Variants in KRTAP1-5 observed in about 807,000 individuals in gnomAD.
The protein encoded by KRTAP1-5 is keratin-associated protein 1-5.
Under a neutral mutation model 14.2 loss-of-function variants are expected in KRTAP1-5, and 10 were observed. That is an observed-to-expected ratio of 0.70 (90% CI 0.43 to 1.19). The LOEUF (loss-of-function observed/expected upper bound fraction) is 1.19. KRTAP1-5 is among the 50% of genes most tolerant of loss of function. KRTAP1-5 has a pLI of 0.00. For missense variants in KRTAP1-5, 234 were observed against 223.5 expected (o/e 1.05, Z -0.30); for synonymous variants, 107 against 80.2 (o/e 1.33, Z -1.79).
Position 41,026,929 on chromosome 17 carries a change from C to T in KRTAP1-5, c.227G>A (p.Cys76Tyr). 6.2e-7 allele frequency: 1 copy of T among 1,613,186 alleles called. No homozygotes were observed. Among genetic ancestry groups the T allele is most frequent in the Non-Finnish European group, 8.5e-7 (1 of 1,179,886 alleles). Reference sequence around the variant, plus strand: ...GCTTGGCTGGCAGCAGCTGGTCTCACAGCAGCTTGGCTGGCAGCAGCTGGT... The same window carrying T: ...GCTTGGCTGGCAGCAGCTGGTCTCATAGCAGCTTGGCTGGCAGCAGCTGGT... ...CETSCCQPSC[C>Y]ETSCCQPSCC... Residue 76 changes from cysteine (C) to tyrosine (Y), a missense_variant, in exon 1 of 1, where the codon TGT (cysteine) becomes TAT (tyrosine). Coordinates refer to ENST00000361883, the MANE Select transcript of KRTAP1-5 (RefSeq NM_031957.2).
rs781029660 is a variant in KRTAP1-5 at position 41,026,903 on chromosome 17, A to G, written c.253T>C (p.Cys85Arg). Reference sequence around the variant, plus strand: ...GTTCCGCAGGAGCTGATCTGGCAGCAGCTTGGCTGGCAGCAGCTGGTCTCA... The same window carrying G: ...GTTCCGCAGGAGCTGATCTGGCAGCGGCTTGGCTGGCAGCAGCTGGTCTCA... ...CCETSCCQPSCCQISSCGTGC... is the reference protein window; with the variant it reads ...CCETSCCQPSRCQISSCGTGC... The change falls in exon 1 of 1, where the codon TGC (cysteine) becomes CGC (arginine). Residue 85 changes from cysteine to arginine, a missense_variant. Coordinates refer to ENST00000361883, the MANE Select transcript of KRTAP1-5 (RefSeq NM_031957.2). 1.9e-6 allele frequency: 3 copies of G among 1,612,050 alleles called. No individual in the cohort carries two copies. The South Asian group carries it at 3.3e-5, about 18-fold the overall frequency.
Position 41,027,012 on chromosome 17 carries a change from G to T in KRTAP1-5, c.144C>A (p.Pro48=). ...TGCAGGTCCCACTGGTTGAGAAGCT[G>T]GGAAATCCGCAGAAGCTAGTCTGGC... ...RSCQTSFCGF[P]SFSTSGTCSS... Residue 48 remains proline, a synonymous_variant, in exon 1 of 1, where the codon CCC becomes CCA. Coordinates refer to ENST00000361883, the MANE Select transcript of KRTAP1-5 (RefSeq NM_031957.2). 6.2e-7 allele frequency: 1 copy of T among 1,609,010 alleles called. No individual in the cohort carries two copies. The highest frequency in any genetic ancestry group is 1.3e-5 in the African/African-American group (1 of 74,356).
In KRTAP1-5 at chr17:41,027,082, C is replaced by A; in HGVS notation, c.74G>T (p.Cys25Phe). 2.5e-6 allele frequency: 4 copies of A among 1,613,764 alleles called. No homozygotes were observed. Among genetic ancestry groups the A allele is most frequent in the Non-Finnish European group, 3.4e-6 (4 of 1,179,978 alleles). Residue 25 changes from cysteine to phenylalanine, a missense_variant, in exon 1 of 1, where the codon TGC becomes TTC. By Grantham distance (205) the Cys-to-Phe change is radical. Coordinates refer to ENST00000361883, the MANE Select transcript of KRTAP1-5 (RefSeq NM_031957.2). ...GCTGGTCTCACAGCAGCTTGGCTGG[C>A]AGCAGCTGGAGCCACAGGTCCCACT... ...SISGTCGSSC[C>F]QPSCCETSCC...
Position 41,026,352 on chromosome 17 carries a change from CAT to C in KRTAP1-5, c.*277_*278del. ...TAGTTCTCATGGATAAATTCCACAACATGTCAGTAATTTTTAATCCTGCAGAA... is the reference window on the plus strand; with the variant it reads ...TAGTTCTCATGGATAAATTCCACAACGTCAGTAATTTTTAATCCTGCAGAA... On this transcript the variant is annotated 3_prime_UTR_variant, in exon 1 of 1. Coordinates refer to ENST00000361883, the MANE Select transcript of KRTAP1-5 (RefSeq NM_031957.2). 3 of 428,330 alleles carry C rather than the reference CAT, an allele frequency of 7.0e-6. No individual in the cohort carries two copies. The highest frequency in any genetic ancestry group is 1.2e-5 in the Non-Finnish European group (3 of 241,762). 26.5% of individuals were successfully genotyped at this position (428,330 alleles called of 1,614,324 possible).
Position 41,026,623 on chromosome 17 carries a change from A to G in KRTAP1-5, c.*8T>C. On this transcript the variant is annotated 3_prime_UTR_variant, in exon 1 of 1. Coordinates refer to ENST00000361883, the MANE Select transcript of KRTAP1-5 (RefSeq NM_031957.2). ...GACCTAGGCAATTGAAAATAAGCAA[A>G]CTGGCTTTCAGCAAGTGGGCTCACA... The G allele has an allele frequency of 6.3e-7, 1 of 1,586,628 alleles. No homozygotes were observed. The highest frequency in any genetic ancestry group is 1.2e-5 in the South Asian group (1 of 86,606).
Position 41,026,036 on chromosome 17 carries a change from T to G in KRTAP1-5, c.*595A>C, listed in dbSNP as rs1233237244. On this transcript the variant is annotated 3_prime_UTR_variant, in exon 1 of 1. Coordinates refer to ENST00000361883, the MANE Select transcript of KRTAP1-5 (RefSeq NM_031957.2). ...AAACAAAGACAATGGTTTCTTTGCC[T>G]AGTATATAATATTTATTAAGAAATG... 1 of 152,292 alleles carries G rather than the reference T, an allele frequency of 6.6e-6. No homozygotes were observed. Among genetic ancestry groups the G allele is most frequent in the African/African-American group, 2.4e-5 (1 of 41,448 alleles). 9.4% of individuals were successfully genotyped at this position (152,292 alleles called of 1,614,324 possible).
At position 41,026,763 on chromosome 17, in the gene KRTAP1-5, G is replaced by C. The variant is rs751912500; in HGVS notation, c.393C>G (p.Pro131=). The change falls in exon 1 of 1, where the codon CCC becomes CCG. Residue 131 remains proline (P), a synonymous_variant. Coordinates refer to ENST00000361883, the MANE Select transcript of KRTAP1-5 (RefSeq NM_031957.2). ...PDSRVEGTYL[P]PCCVVSCTPP... The stretch of plus-strand genomic sequence containing the variant: ...GCGTGCAGCTCACCACACAGCAGGG[G>C]GGTAGGTAGGTGCCCTCCACACGAC... The C allele has an allele frequency of 1.2e-6, 2 of 1,613,544 alleles. No homozygotes were observed. The highest frequency in any genetic ancestry group is 2.2e-5 in the South Asian group (2 of 91,030).
chr17:41,026,899 C>A lies in KRTAP1-5; in HGVS notation c.257G>T (p.Cys86Phe). 6.2e-7 allele frequency: 1 copy of A among 1,611,976 alleles called. No homozygotes were observed. The highest frequency in any genetic ancestry group is 8.5e-7 in the Non-Finnish European group (1 of 1,179,680). ...CETSCCQPSCCQISSCGTGCG... is the reference protein window; with the variant it reads ...CETSCCQPSCFQISSCGTGCG... ...GCCAGTTCCGCAGGAGCTGATCTGG[C>A]AGCAGCTTGGCTGGCAGCAGCTGGT... Residue 86 changes from cysteine (C) to phenylalanine (F), a missense_variant, in exon 1 of 1, where the codon TGC (cysteine) becomes TTC (phenylalanine). Transcript: ENST00000361883.
In KRTAP1-5 at chr17:41,026,304, C is replaced by G; in HGVS notation, c.*327G>C. The G allele has an allele frequency of 3.2e-6, 1 of 316,896 alleles. No homozygotes were observed. The highest frequency in any genetic ancestry group is 2.1e-5 in the African/African-American group (1 of 46,924). The allele number at this position is 316,896 out of a possible 1,614,324, so 19.6% of individuals were successfully genotyped here. A position where few individuals can be genotyped will look rare whatever the true frequency, so the allele number is the denominator to read the frequency against. ...AAACAAGATAAAATAGATTATAAAG[C>G]ATGGAAACATTAGACTTGTGGATAG... On this transcript the variant is annotated 3_prime_UTR_variant, in exon 1 of 1. Transcript: ENST00000361883.
rs368725196 is a variant in KRTAP1-5, at chr17:41,026,863, C to A, written c.293G>T (p.Gly98Val). ...ISSCGTGCGIGGGISYGQEGS... is the reference protein window; with the variant it reads ...ISSCGTGCGIVGGISYGQEGS... ...CTCCTGGCCATAGCTGATGCCACCA[C>A]CAATGCCACAGCCAGTTCCGCAGGA... The change falls in exon 1 of 1, where the codon GGT becomes GTT. Residue 98 changes from glycine (G) to valine (V), a missense_variant. Coordinates refer to ENST00000361883, the MANE Select transcript of KRTAP1-5 (RefSeq NM_031957.2). 3.6e-5 allele frequency: 58 copies of A among 1,612,268 alleles called. No homozygotes were observed. The highest frequency in any genetic ancestry group is 2.9e-4 in the East Asian group (13 of 44,886).
Position 41,026,742 on chromosome 17 carries a change from G to A in KRTAP1-5, c.414C>T (p.Cys138=), listed in dbSNP as rs898442644. 3.7e-6 allele frequency: 6 copies of A among 1,613,472 alleles called. No individual in the cohort carries two copies. In the African/African-American group the frequency reaches 6.7e-5, roughly 18 times the overall value. Residue 138 remains cysteine (C), a synonymous_variant, in exon 1 of 1, where the codon TGC becomes TGT. Coordinates refer to ENST00000361883, the MANE Select transcript of KRTAP1-5 (RefSeq NM_031957.2). ...TYLPPCCVVS[C]TPPSCCQLHH... ...GCAGTTGGCAGCAGGATGGGGGCGTGCAGCTCACCACACAGCAGGGGGGTA... is the reference window on the plus strand; with the variant it reads ...GCAGTTGGCAGCAGGATGGGGGCGTACAGCTCACCACACAGCAGGGGGGTA...
rs376873445 is a variant in KRTAP1-5, at chr17:41,026,784, A to G, written c.372T>C (p.Arg124=). 2 of 1,613,160 alleles carry G rather than the reference A, an allele frequency of 1.2e-6. No homozygotes were observed. Among genetic ancestry groups the G allele is most frequent in the Non-Finnish European group, 1.7e-6 (2 of 1,180,014 alleles). ...TRIRWCRPDS[R]VEGTYLPPCC... ...AGGGGGGTAGGTAGGTGCCCTCCACACGACTGTCTGGGCGGCACCACCTGA... is the reference window on the plus strand; with the variant it reads ...AGGGGGGTAGGTAGGTGCCCTCCACGCGACTGTCTGGGCGGCACCACCTGA... Residue 124 remains arginine (R), a synonymous_variant, in exon 1 of 1, where the codon CGT becomes CGC. Coordinates refer to ENST00000361883, the MANE Select transcript of KRTAP1-5 (RefSeq NM_031957.2).
Position 41,027,049 on chromosome 17 carries a change from T to C in KRTAP1-5, c.107A>G (p.Gln36Arg). Residue 36 changes from glutamine (Q) to arginine (R), a missense_variant, in exon 1 of 1, where the codon CAG becomes CGG. By Grantham distance (43) the Gln-to-Arg change is conservative. Coordinates refer to ENST00000361883, the MANE Select transcript of KRTAP1-5 (RefSeq NM_031957.2). ...QPSCCETSCC[Q>R]PRSCQTSFCG... ...GAAGCTAGTCTGGCAGCTGCGTGGC[T>C]GGCAGCAGCTGGTCTCACAGCAGCT... 6.2e-7 allele frequency: 1 copy of C among 1,613,062 alleles called. No homozygotes were observed. Among genetic ancestry groups the C allele is most frequent in the Non-Finnish European group, 8.5e-7 (1 of 1,179,822 alleles).
In KRTAP1-5 at chr17:41,026,594, C is replaced by A; in HGVS notation, c.*37G>T. The stretch of plus-strand genomic sequence containing the variant: ...TCAAGGGATGAACAGTTCAGAGACA[C>A]TGTGACCTAGGCAATTGAAAATAAG... On this transcript the variant is annotated 3_prime_UTR_variant, in exon 1 of 1. Coordinates refer to ENST00000361883, the MANE Select transcript of KRTAP1-5 (RefSeq NM_031957.2). 1 of 1,565,712 alleles carries A rather than the reference C, an allele frequency of 6.4e-7. No individual in the cohort carries two copies. Among genetic ancestry groups the A allele is most frequent in the Admixed American group, 1.7e-5 (1 of 57,150 alleles).
In KRTAP1-5 at chr17:41,026,693, G is replaced by C. The variant is rs148850772; in HGVS notation, c.463C>G (p.Arg155Gly). The C allele has an allele frequency of 6.2e-7, 1 of 1,613,634 alleles. No individual in the cohort carries two copies. The highest frequency in any genetic ancestry group is 8.5e-7 in the Non-Finnish European group (1 of 1,179,892). The change falls in exon 1 of 1, where the codon CGC becomes GGC. Residue 155 changes from arginine to glycine, a missense_variant. Physicochemically the swap from Arg to Gly is moderately radical, Grantham distance 125. Transcript: ENST00000361883. ...QLHHAQASCCRPSYCGQSCCR... is the reference protein window; with the variant it reads ...QLHHAQASCCGPSYCGQSCCR... ...CAGGACTGTCCACAGTAGGACGGGC[G>C]GCAGCAGGAGGCCTGGGCATGGTGC...
Position 41,026,735 on chromosome 17 carries a change from G to T in KRTAP1-5, c.421C>A (p.Pro141Thr), listed in dbSNP as rs1473524639. ...PPCCVVSCTP[P>T]SCCQLHHAQA... ...GCATGGTGCAGTTGGCAGCAGGATG[G>T]GGGCGTGCAGCTCACCACACAGCAG... is the stretch of plus-strand genomic sequence containing the variant. Residue 141 changes from proline to threonine, a missense_variant, in exon 1 of 1, where the codon CCA (proline) becomes ACA (threonine). Coordinates refer to ENST00000361883, the MANE Select transcript of KRTAP1-5 (RefSeq NM_031957.2). The T allele has an allele frequency of 2.5e-6, 4 of 1,613,678 alleles. No homozygotes were observed. The highest frequency in any genetic ancestry group is 3.4e-6 in the Non-Finnish European group (4 of 1,179,988).
In KRTAP1-5 at chr17:41,027,103, C is replaced by T. The variant is rs2012352661; in HGVS notation, c.53G>A (p.Gly18Glu). The T allele has an allele frequency of 6.2e-7, 1 of 1,614,206 alleles. No individual in the cohort carries two copies. Among genetic ancestry groups the T allele is most frequent in the African/African-American group, 1.3e-5 (1 of 75,052 alleles). The change falls in exon 1 of 1, where the codon GGG becomes GAG. Residue 18 changes from glycine (G) to glutamate (E), a missense_variant. By Grantham distance (98) the Gly-to-Glu change is moderately conservative. Coordinates refer to ENST00000361883, the MANE Select transcript of KRTAP1-5 (RefSeq NM_031957.2). The stretch of plus-strand genomic sequence containing the variant: ...CTGGCAGCAGCTGGAGCCACAGGTC[C>T]CACTGATGGAGAAGCTGGGATATCC... ...FCGYPSFSIS[G>E]TCGSSCCQPS...
chr17:41,026,835 G>C lies in KRTAP1-5; in HGVS notation c.321C>G (p.Gly107=), dbSNP rs777389425. The part of the protein sequence containing the change: ...IGGGISYGQE[G]SSGAVSTRIR... ...TACGGGTGCTCACAGCTCCACTGCT[G>C]CCCTCCTGGCCATAGCTGATGCCAC... Residue 107 remains glycine, a synonymous_variant, in exon 1 of 1, where the codon GGC becomes GGG. Transcript: ENST00000361883. 6.2e-7 allele frequency: 1 copy of C among 1,612,478 alleles called. No homozygotes were observed. Among genetic ancestry groups the C allele is most frequent in the Non-Finnish European group, 8.5e-7 (1 of 1,179,952 alleles).
chr17:41,026,843 G>A, the KRTAP1-5 span: 10 of 1,612,404 alleles, frequency 6.2e-6, no homozygotes, highest in Non-Finnish European at 7.6e-6. Flanking sequence ...CTGCCCTCCT[G>A]GCCATAGCTG....
Sources: gnomAD v4.1 joint callset for allele counts on GRCh38, gnomAD v4.1.1 for gene constraint, MANE v1.5 for transcripts, NCBI Gene and HGNC (gene_info 2026-07-23, HGNC 2026-07-21) for gene names.